ADAMTSL3: variants seen among roughly 807,000 people sequenced by gnomAD.
The protein encoded by ADAMTSL3 is ADAMTS like 3.
In ADAMTSL3, 128 loss-of-function variants were observed where a neutral mutation model predicts 201.7. That is an observed-to-expected ratio of 0.63 (90% CI 0.55 to 0.73). The LOEUF is 0.73. Among genes scored for constraint, ADAMTSL3 ranks in the 30% least tolerant of loss-of-function variants. ADAMTSL3 has a pLI of 0.00. For missense variants in ADAMTSL3, 1,990 were observed against 2,119.6 expected, an observed-to-expected ratio of 0.94 and a Z score of 1.20; for synonymous variants, 738 against 748.4, an observed-to-expected ratio of 0.99 and a Z score of 0.23.
chr15:83,864,959 T>C (rs2064943820), intron 8 of ADAMTSL3, among the ~76,000 whole-genome samples: 1 of 152,164 alleles, frequency 6.6e-6, no homozygotes, highest in South Asian at 2.1e-4. Context: ...AGCATTCTTA[T>C]ACACCAATAA....
At chr15:83,882,377 C>G (rs1430130063) in intron 9 of ADAMTSL3, among the ~76,000 whole-genome samples, 1 of 152,108 alleles carries the variant, frequency 6.6e-6, no homozygotes, top group Non-Finnish European at 1.5e-5. Flanking sequence ...CATCTTGTGT[C>G]TGGAATTTTT....
intron 5 of ADAMTSL3, among the ~76,000 whole-genome samples, chr15:83,813,762 T>A (rs77600610): frequency 6.6e-6 from 1 of 152,316 alleles, no homozygotes; most frequent in Non-Finnish European, 1.5e-5. Flanking sequence ...CATAACCTGC[T>A]GATCAGCACT....
At chr15:83,741,980 A>G (rs2062462715) in intron 3 of ADAMTSL3, among the ~76,000 whole-genome samples, 1 of 152,172 alleles carries the variant, frequency 6.6e-6, no homozygotes, top group South Asian at 2.1e-4. Context: ...TATATATTCA[A>G]TAGAGTTACT....
intron 23 of ADAMTSL3, among the ~76,000 whole-genome samples, chr15:84,008,805 C>A (rs1429483903): frequency 6.6e-6 from 1 of 152,184 alleles, no homozygotes; most frequent in Non-Finnish European, 1.5e-5. Flanking sequence ...CAAAACTGCT[C>A]TCCTGAGTTC....
At position 84,031,346 on chromosome 15, in the gene ADAMTSL3, T is replaced by C. The variant is rs1376823468; in HGVS notation, c.4668T>C (p.Arg1556=). The part of the protein sequence containing the change: ...QWEPGNRCPG[R]CMGRAVRMQQ... ...CTTTTTTGTTCCAGTGTCCTGGACG[T>C]TGCATGGGCCGTGCTGTGAGGATGC... Residue 1556 remains arginine, a synonymous_variant, in exon 28 of 30, where the codon CGT becomes CGC. Transcript: ENST00000286744. The C allele has an allele frequency of 1.2e-6, 2 of 1,613,982 alleles. No individual in the cohort carries two copies. Among genetic ancestry groups the C allele is most frequent in the Non-Finnish European group, 1.7e-6 (2 of 1,180,014 alleles).
intron 15 of ADAMTSL3, among the ~76,000 whole-genome samples, chr15:83,911,702 C>T (rs992148969): frequency 6.6e-6 from 1 of 152,170 alleles, no homozygotes; most frequent in Non-Finnish European, 1.5e-5. Flanking sequence ...TTTCATTCTG[C>T]TGATTGGGGG....
At chr15:83,740,035 C>A in intron 3 of ADAMTSL3, 2 of 378,400 alleles carry the variant, frequency 5.3e-6, no homozygotes, top group South Asian at 5.1e-5. Flanking sequence ...CACCTATTGT[C>A]AGCTCTTGAA....
In ADAMTSL3 at chr15:83,980,073, A is replaced by C. The variant is rs544573861; in HGVS notation, c.2645-2200A>C. Among the ~76,000 whole-genome samples, 3 of 152,324 alleles carry C rather than the reference A, an allele frequency of 2.0e-5. No homozygotes were observed. The South Asian group carries it at 6.2e-4, about 32-fold the overall frequency. Reference sequence around the variant, plus strand: ...TAACAGGTGATTCTAACAAATAGCAAAATTTGAGAGCCATTTTTTTTAGAG... The same window carrying C: ...TAACAGGTGATTCTAACAAATAGCACAATTTGAGAGCCATTTTTTTTAGAG... On this transcript the variant is annotated intron_variant, in intron 20 of 29. Transcript: ENST00000286744.
At chr15:83,962,545 T>G (rs1007972134) in intron 19 of ADAMTSL3, 1 of 152,208 alleles carries the variant, frequency 6.6e-6, no homozygotes, top group Non-Finnish European at 1.5e-5. Flanking sequence ...TTCTAATATA[T>G]CTAATAAAAT....
At chr15:84,028,046 TG>T in intron 27 of ADAMTSL3, among the ~76,000 whole-genome samples, 1 of 152,282 alleles carries the variant, frequency 6.6e-6, no homozygotes, top group East Asian at 1.9e-4. Context: ...CAGGGAAATT[TG>T]TAGAGACAAA....
Position 84,020,413 on chromosome 15 carries a change from A to C in ADAMTSL3, c.4274-997A>C, listed in dbSNP as rs563945806. Among the ~76,000 whole-genome samples, 58 of 152,348 alleles carry C rather than the reference A, an allele frequency of 3.8e-4. 2 individuals are homozygous for C. The highest frequency in any genetic ancestry group is 1.0e-3 in the South Asian group (5 of 4,826). ...TAAAGTGTCTAACTCAGTTCCTGTC[A>C]CCTGGGAGGTTCTCAGTAAACGTAT... is the stretch of plus-strand genomic sequence containing the variant. On this transcript the variant is annotated intron_variant, in intron 25 of 29. Coordinates refer to ENST00000286744, the MANE Select transcript of ADAMTSL3 (RefSeq NM_207517.3).
At chr15:84,011,962 C>T (rs1352547140) in intron 23 of ADAMTSL3, among the ~76,000 whole-genome samples, 1 of 152,144 alleles carries the variant, frequency 6.6e-6, no homozygotes. Flanking sequence ...ATCTCAGCTC[C>T]AATGTTTAAT....
chr15:83,919,024 A>G (rs1002964884), intron 16 of ADAMTSL3, among the ~76,000 whole-genome samples: 4 of 152,070 alleles, frequency 2.6e-5, no homozygotes, highest in Non-Finnish European at 4.4e-5. Context: ...TCCTAAGACT[A>G]TTTTCTGAGC....
chr15:83,756,599 G>GCCCCCCC (rs35325384), intron 3 of ADAMTSL3, among the ~76,000 whole-genome samples: 1 of 142,696 alleles, frequency 7.0e-6, no homozygotes, highest in African/African-American at 2.6e-5. Flanking sequence ...TTTCACCCCT[G>GCCCCCCC]CCCCCCCCCC....
intron 4 of ADAMTSL3, among the ~76,000 whole-genome samples, chr15:83,795,001 C>T (rs1013249538): frequency 3.3e-5 from 5 of 151,946 alleles, no homozygotes; most frequent in Middle Eastern, 3.4e-3. Flanking sequence ...TACAGGTGCA[C>T]GCCACCATGC....
intron 4 of ADAMTSL3, among the ~76,000 whole-genome samples, chr15:83,776,381 G>C (rs1385826067): frequency 4.6e-5 from 7 of 152,090 alleles, no homozygotes; most frequent in Admixed American, 3.9e-4. Flanking sequence ...TTATATCTAA[G>C]GAGACAAACA....
intron 2 of ADAMTSL3, among the ~76,000 whole-genome samples, chr15:83,670,613 A>G (rs903304914): frequency 5.3e-5 from 8 of 152,146 alleles, no homozygotes; most frequent in East Asian, 1.9e-4. Context: ...TTCTATTCCA[A>G]TTGATTCCAT....
intron 17 of ADAMTSL3, among the ~76,000 whole-genome samples, chr15:83,924,738 T>G (rs1396637116): frequency 6.6e-6 from 1 of 152,118 alleles, no homozygotes; most frequent in Non-Finnish European, 1.5e-5. Flanking sequence ...CATCATTGGT[T>G]TCTCACACAA....
At chr15:83,910,536 C>A (rs140315695) in intron 15 of ADAMTSL3, among the ~76,000 whole-genome samples, 2 of 147,696 alleles carry the variant, frequency 1.4e-5, no homozygotes, top group Non-Finnish European at 3.0e-5. Flanking sequence ...TTTAACAGGA[C>A]TTTTAAAAAG....
Sources: gnomAD v4.1 joint callset for allele counts (sites outside exome capture counted in the v4.1 genomes callset) on GRCh38, gnomAD v4.1.1 for gene constraint, MANE v1.5 for transcripts, NCBI Gene and HGNC (gene_info 2026-07-23, HGNC 2026-07-21) for gene names.